TSPAN15: variants seen among roughly 807,000 people sequenced by gnomAD.
TSPAN15 encodes tetraspanin-15.
In TSPAN15, 20 loss-of-function variants were observed where a neutral mutation model predicts 34.5. That is an observed-to-expected ratio of 0.58 (90% CI 0.41 to 0.84). TSPAN15 has a LOEUF of 0.84. Ranked by LOEUF, TSPAN15 falls within the 40% of genes least tolerant of loss-of-function variation. TSPAN15 has a pLI of 0.00. For missense variants in TSPAN15, 313 were observed against 386.1 expected (o/e 0.81, Z 1.59); for synonymous variants, 155 against 153.9 (o/e 1.01, Z -0.05).
At chr10:69,541,285 A>G in the TSPAN15 span, among the ~76,000 whole-genome samples, 57 of 152,282 alleles carry the variant, frequency 3.7e-4, no homozygotes, top group East Asian at 6.0e-3. Flanking sequence ...GGCCAGGAGG[A>G]GCCCACCTCT....
rs928868366 is a variant in TSPAN15 at position 69,485,192 on chromosome 10, G to A, written c.334G>A (p.Val112Met). Reference protein sequence around the residue: ...CLIMELIGGVVALTFRNQTID... With the variant: ...CLIMELIGGVMALTFRNQTID... Reference sequence around the variant, plus strand: ...CATCATGGAGCTCATTGGTGGCGTGGTGGCCTTGACCTTCCGGAACCAGGT... The same window carrying A: ...CATCATGGAGCTCATTGGTGGCGTGATGGCCTTGACCTTCCGGAACCAGGT... Residue 112 changes from valine to methionine, a missense_variant, in exon 3 of 8, where the codon GTG (valine) becomes ATG (methionine). Transcript: ENST00000373290. The A allele has an allele frequency of 3.2e-5, 52 of 1,613,964 alleles. No individual in the cohort carries two copies. The East Asian group carries it at 1.1e-3, about 35-fold the overall frequency.
At chr10:69,470,481 A>T (rs1484163060) in intron 1 of TSPAN15, among the ~76,000 whole-genome samples, 1 of 152,098 alleles carries the variant, frequency 6.6e-6, no homozygotes, top group African/African-American at 2.4e-5. Flanking sequence ...CTGCTTCTAG[A>T]CACCTTCACA....
chr10:69,514,638 A>T, the TSPAN15 span, among the ~76,000 whole-genome samples: 5 of 152,300 alleles, frequency 3.3e-5, no homozygotes. Flanking sequence ...AGTTGTTCAT[A>T]ACACTCCCTT....
intron 1 of TSPAN15, among the ~76,000 whole-genome samples, chr10:69,459,290 A>G (rs902508442): frequency 6.6e-6 from 1 of 152,180 alleles, no homozygotes; most frequent in Admixed American, 6.5e-5. Context: ...ACTGAATGCC[A>G]GGCACTGTGA....
At chr10:69,485,984 AG>A (rs897300701) in intron 3 of TSPAN15, among the ~76,000 whole-genome samples, 1 of 152,304 alleles carries the variant, frequency 6.6e-6, no homozygotes, top group East Asian at 1.9e-4. Flanking sequence ...GGCCCCTTAG[AG>A]CCAGAAAGGT....
intron 3 of TSPAN15, among the ~76,000 whole-genome samples, chr10:69,489,862 G>A (rs945997406): frequency 6.6e-6 from 1 of 152,248 alleles, no homozygotes; most frequent in African/African-American, 2.4e-5. Context: ...GGGGCTGGAG[G>A]AGGACCTGAG....
chr10:69,456,325 G>C (rs1271078048), intron 1 of TSPAN15, among the ~76,000 whole-genome samples: 2 of 152,132 alleles, frequency 1.3e-5, no homozygotes, highest in Non-Finnish European at 2.9e-5. Flanking sequence ...GACCTTAAAT[G>C]ATCCACCAGC....
chr10:69,483,150 G>A (rs1042105583), intron 1 of TSPAN15, among the ~76,000 whole-genome samples: 4 of 152,038 alleles, frequency 2.6e-5, no homozygotes, highest in African/African-American at 4.8e-5. Context: ...CACTATGCCC[G>A]GCTGCTTTTT....
intron 1 of TSPAN15, among the ~76,000 whole-genome samples, chr10:69,472,498 A>G (rs1564603513): frequency 6.6e-6 from 1 of 152,192 alleles, no homozygotes; most frequent in Non-Finnish European, 1.5e-5. Flanking sequence ...CCTTGAGGAC[A>G]GGAACTCATC....
At chr10:69,471,609 C>T (rs1462977167) in intron 1 of TSPAN15, among the ~76,000 whole-genome samples, 1 of 151,300 alleles carries the variant, frequency 6.6e-6, no homozygotes, top group African/African-American at 2.4e-5. Flanking sequence ...CCTCCCCTCC[C>T]CTCCCCTTCT....
intron 1 of TSPAN15, among the ~76,000 whole-genome samples, chr10:69,476,368 G>C (rs1841613598): frequency 6.6e-6 from 1 of 152,070 alleles, no homozygotes; most frequent in African/African-American, 2.4e-5. Flanking sequence ...AGAAGGACTG[G>C]TTTGATCAAT....
In TSPAN15 at chr10:69,507,531, G is replaced by A. The variant is rs1247255618; in HGVS notation, c.*553G>A. 1 of 1,304,010 alleles carries A rather than the reference G, an allele frequency of 7.7e-7. No homozygotes were observed. The highest frequency in any genetic ancestry group is 2.1e-4 in the Middle Eastern group (1 of 4,696). 80.8% of individuals were successfully genotyped at this position (1,304,010 alleles called of 1,614,324 possible). ...AGCCTAGTTTTTTTACGTGATTTTTGTAACATTCATTTTTTTGTACAGATA... is the reference window on the plus strand; with the variant it reads ...AGCCTAGTTTTTTTACGTGATTTTTATAACATTCATTTTTTTGTACAGATA... On this transcript the variant is annotated 3_prime_UTR_variant, in exon 8 of 8. Transcript: ENST00000373290.
chr10:69,546,055 AT>A, the TSPAN15 span, among the ~76,000 whole-genome samples: 1 of 152,138 alleles, frequency 6.6e-6, no homozygotes, highest in East Asian at 1.9e-4. Flanking sequence ...TTTACCTTGT[AT>A]TTCCTTGCTA....
chr10:69,528,895 G>A, the TSPAN15 span, among the ~76,000 whole-genome samples: 2 of 147,924 alleles, frequency 1.4e-5, no homozygotes, highest in Non-Finnish European at 3.0e-5. Flanking sequence ...ATCGGTCCAT[G>A]GGCAGCCATA....
At chr10:69,482,733 G>T (rs1436238703) in intron 1 of TSPAN15, among the ~76,000 whole-genome samples, 1 of 150,800 alleles carries the variant, frequency 6.6e-6, no homozygotes, top group African/African-American at 2.4e-5. Context: ...AAGGCCCAGG[G>T]TTAGCAAGTA....
At chr10:69,507,716 G>C (rs1339298725), downstream of TSPAN15, 2 of 1,178,970 alleles carry the variant, frequency 1.7e-6, no homozygotes, top group African/African-American at 1.6e-5. Flanking sequence ...GGTAAGGAAG[G>C]CTGCAACCTG....
At chr10:69,539,482 G>GAGAAGGAGAAGA in the TSPAN15 span, among the ~76,000 whole-genome samples, 2 of 67,054 alleles carry the variant, frequency 3.0e-5, no homozygotes, top group African/African-American at 1.1e-4. Flanking sequence ...GAAGGAGAAG[G>GAGAAGGAGAAGA]AGAAGAAGAA....
rs760442048 is a variant in TSPAN15 at position 69,483,820 on chromosome 10, G to T, written c.226G>T (p.Val76Phe). Residue 76 changes from valine to phenylalanine, a missense_variant, in exon 2 of 8, where the codon GTC (valine) becomes TTC (phenylalanine). By Grantham distance (50) the Val-to-Phe change is conservative. Coordinates refer to ENST00000373290, the MANE Select transcript of TSPAN15 (RefSeq NM_012339.5). Reference protein sequence around the residue: ...LILLGVVMFMVSFIGVLASLR... With the variant: ...LILLGVVMFMFSFIGVLASLR... ...CCTCCTGGGCGTCGTCATGTTCATG[G>T]TCTCCTTCATTGGTGTGCTGGCGTC... is the stretch of plus-strand genomic sequence containing the variant. 5.6e-6 allele frequency: 9 copies of T among 1,613,994 alleles called. No homozygotes were observed. Among genetic ancestry groups the T allele is most frequent in the Non-Finnish European group, 7.6e-6 (9 of 1,180,034 alleles).
At chr10:69,513,484 G>A in the TSPAN15 span, among the ~76,000 whole-genome samples, 2 of 152,118 alleles carry the variant, frequency 1.3e-5, no homozygotes, top group Admixed American at 6.5e-5. Flanking sequence ...TGGGATTACA[G>A]GCATGAGCCA....
Sources: allele counts gnomAD v4.1 joint callset (sites outside exome capture counted in the v4.1 genomes callset), GRCh38; gene constraint gnomAD v4.1.1; transcripts MANE v1.5; gene names NCBI Gene and HGNC (gene_info 2026-07-23, HGNC 2026-07-21).